Variants in DISC1 observed in about 807,000 individuals in gnomAD.
DISC1 encodes DISC1 scaffold protein.
Under a neutral mutation model 84.5 loss-of-function variants are expected in DISC1, and 57 were observed. The ratio of observed to expected loss-of-function variants is 0.67; its 90% confidence interval spans 0.55 to 0.84. The LOEUF (loss-of-function observed/expected upper bound fraction) is 0.84. DISC1 is among the 40% of genes least tolerant of loss of function. The pLI, the probability that DISC1 is intolerant of heterozygous loss-of-function variation, is 0.00. For synonymous variants in DISC1, 411 were observed against 415.2 expected, an observed-to-expected ratio of 0.99 and a Z score of 0.12; for missense variants, 1,000 against 1,057.8, an observed-to-expected ratio of 0.95 and a Z score of 0.76.
At chr1:231,751,589 C>G (rs1440682642) in intron 4 of DISC1, among the ~76,000 whole-genome samples, 1 of 152,144 alleles carries the variant, frequency 6.6e-6, no homozygotes, top group Non-Finnish European at 1.5e-5. Flanking sequence ...TCCCTCTTCC[C>G]CAACTGACAC....
intron 9 of DISC1, among the ~76,000 whole-genome samples, chr1:231,861,911 T>C (rs1046349402): frequency 6.6e-6 from 1 of 152,172 alleles, no homozygotes; most frequent in Non-Finnish European, 1.5e-5. Context: ...GGACCAATAG[T>C]GTGCTGTTAA....
intron 7 of DISC1, among the ~76,000 whole-genome samples, chr1:231,795,549 G>A (rs1009215369): frequency 6.6e-6 from 1 of 152,188 alleles, no homozygotes; most frequent in African/African-American, 2.4e-5. Context: ...TCAATTTAGG[G>A]ACTGAAAAAG....
At chr1:231,927,536 T>A (rs1385970495) in intron 9 of DISC1, among the ~76,000 whole-genome samples, 1 of 152,206 alleles carries the variant, frequency 6.6e-6, no homozygotes, top group East Asian at 1.9e-4. Flanking sequence ...GTGAAAGCCA[T>A]CCTTCCCTGA....
chr1:231,851,766 G>A (rs1037976079), intron 9 of DISC1, among the ~76,000 whole-genome samples: 5 of 152,316 alleles, frequency 3.3e-5, no homozygotes, highest in South Asian at 2.1e-4. Flanking sequence ...GTGGGAATGC[G>A]GCACTCATGG....
chr1:231,782,891 G>A (rs2077542460), intron 6 of DISC1, among the ~76,000 whole-genome samples: 1 of 152,072 alleles, frequency 6.6e-6, no homozygotes, highest in Non-Finnish European at 1.5e-5. Context: ...GCAGTGAGTG[G>A]AGATCGTGTC....
At chr1:231,906,059 G>T (rs1013008235) in intron 9 of DISC1, among the ~76,000 whole-genome samples, 5 of 111,772 alleles carry the variant, frequency 4.5e-5, no homozygotes, top group Non-Finnish European at 6.6e-5. Flanking sequence ...GTCTCACTCT[G>T]TTGCCCAGGC....
chr1:231,732,265 G>A (rs931005579), intron 3 of DISC1, among the ~76,000 whole-genome samples: 6 of 152,068 alleles, frequency 3.9e-5, no homozygotes, highest in South Asian at 2.1e-4. Flanking sequence ...CTCATACATC[G>A]CATCATGAAT....
At chr1:231,627,640 C>T (rs1301840492) in intron 1 of DISC1, among the ~76,000 whole-genome samples, 15 of 152,238 alleles carry the variant, frequency 9.9e-5, no homozygotes, top group Non-Finnish European at 2.1e-4. Flanking sequence ...AGGACTTCTA[C>T]CTTCTCACTC....
chr1:231,688,187 T>G (rs1011196569), intron 1 of DISC1, among the ~76,000 whole-genome samples: 4 of 152,178 alleles, frequency 2.6e-5, no homozygotes, highest in African/African-American at 9.7e-5. Context: ...AACCTTCTCT[T>G]TGTTCCTTAC....
intron 3 of DISC1, among the ~76,000 whole-genome samples, chr1:231,738,835 T>A (rs1489658855): frequency 1.3e-5 from 2 of 152,236 alleles, no homozygotes; most frequent in African/African-American, 4.8e-5. Flanking sequence ...TTATTTTGAT[T>A]CTCAAAGTGT....
intron 4 of DISC1, among the ~76,000 whole-genome samples, chr1:231,766,792 G>A (rs1293501745): frequency 1.3e-5 from 2 of 152,010 alleles, no homozygotes; most frequent in Admixed American, 6.6e-5. Context: ...GAGTTATTTT[G>A]TACTCTTTAT....
At chr1:231,663,300 A>C (rs1245706040) in intron 1 of DISC1, among the ~76,000 whole-genome samples, 2 of 152,214 alleles carry the variant, frequency 1.3e-5, no homozygotes, top group African/African-American at 4.8e-5. Context: ...CAAACATCAG[A>C]GCTCCACAAT....
intron 8 of DISC1, among the ~76,000 whole-genome samples, chr1:231,805,144 T>C (rs79642495): frequency 0.016 from 2,418 of 152,316 alleles, 79 homozygotes; most frequent in African/African-American, 0.056. Flanking sequence ...CTTTTCACTG[T>C]ACACACCTTA....
rs535658789 is a variant in DISC1 at position 232,037,222 on chromosome 1, A to G, written c.*391A>G. ...TCTGCTGCAACGAAAATATTTCCTG[A>G]TTCAAGATTCTATAAAAAGGAAACC... On this transcript the variant is annotated 3_prime_UTR_variant, in exon 13 of 13. Transcript: ENST00000439617. 3 of 153,950 alleles carry G rather than the reference A, an allele frequency of 1.9e-5. No homozygotes were observed. The East Asian group carries it at 5.7e-4, about 29-fold the overall frequency. 9.5% of individuals were successfully genotyped at this position (153,950 alleles called of 1,614,324 possible). A position where few individuals can be genotyped will look rare whatever the true frequency, so the allele number is the denominator to read the frequency against.
intron 1 of DISC1, among the ~76,000 whole-genome samples, chr1:231,666,979 C>T (rs1054750132): frequency 3.3e-5 from 5 of 152,104 alleles, no homozygotes; most frequent in African/African-American, 9.7e-5. Flanking sequence ...TATTTCCAGG[C>T]GAATATTCAA....
chr1:231,788,580 G>A (rs2078067576), intron 6 of DISC1, among the ~76,000 whole-genome samples: 1 of 152,148 alleles, frequency 6.6e-6, no homozygotes, highest in South Asian at 2.1e-4. Context: ...TACGAATTTT[G>A]TGGAGAACAC....
At chr1:231,814,559 T>C (rs1326058730) in intron 8 of DISC1, among the ~76,000 whole-genome samples, 1 of 152,138 alleles carries the variant, frequency 6.6e-6, no homozygotes, top group Non-Finnish European at 1.5e-5. Context: ...CGAAACACAT[T>C]TGGACTCAAT....
intron 9 of DISC1, among the ~76,000 whole-genome samples, chr1:231,916,634 G>A (rs984056896): frequency 5.1e-4 from 68 of 132,250 alleles, no homozygotes; most frequent in East Asian, 9.0e-4. Flanking sequence ...CAGCCTGGGC[G>A]ACAGAGCGAG....
At chr1:231,915,561 A>G (rs1416943504) in intron 9 of DISC1, among the ~76,000 whole-genome samples, 2 of 152,162 alleles carry the variant, frequency 1.3e-5, no homozygotes, top group Non-Finnish European at 2.9e-5. Flanking sequence ...AGGTGGGCGG[A>G]TCACCTGAGG....
Sources: gnomAD v4.1 joint callset for allele counts (sites outside exome capture counted in the v4.1 genomes callset) on GRCh38, gnomAD v4.1.1 for gene constraint, MANE v1.5 for transcripts, NCBI Gene and HGNC (gene_info 2026-07-23, HGNC 2026-07-21) for gene names.